Variants in ROBO2 observed in about 807,000 individuals in gnomAD.
ROBO2 encodes roundabout homolog 2.
In ROBO2, 53 loss-of-function variants were observed where a neutral mutation model predicts 160.8. The observed-to-expected ratio is 0.33, with a 90% CI of 0.26 to 0.41. ROBO2 has a LOEUF of 0.41. Ranked by LOEUF, ROBO2 falls within the 10% of genes least tolerant of loss-of-function variation. The probability of loss-of-function intolerance (pLI) is 1.00; values close to 1 mark genes in which losing one functional copy is unlikely to be tolerated. For missense variants in ROBO2, 1,577 were observed against 1,722.4 expected (o/e 0.92, Z 1.49); for synonymous variants, 664 against 611.7 (o/e 1.09, Z -1.26).
chr3:77,580,077 C>T lies in ROBO2; in HGVS notation c.2459C>T (p.Ala820Val). 6.2e-7 allele frequency: 1 copy of T among 1,613,760 alleles called. No individual in the cohort carries two copies. Among genetic ancestry groups the T allele is most frequent in the Non-Finnish European group, 8.5e-7 (1 of 1,179,790 alleles). The change falls in exon 16 of 26, where the codon GCA becomes GTA. Residue 820 changes from alanine (A) to valine (V), a missense_variant. Coordinates refer to ENST00000461745, the Ensembl canonical transcript of ROBO2. ...GTAGAGGTTGCAGCTAGTACCAGTG[C>T]AGGGGTTGGAGTAAAGAGTGAGCCA...
intron 2 of ROBO2, among the ~76,000 whole-genome samples, chr3:76,922,885 A>C (rs1397681854): frequency 6.6e-6 from 1 of 152,180 alleles, no homozygotes; most frequent in Non-Finnish European, 1.5e-5. Context: ...TTATTATTTC[A>C]TTTAGTCACT....
intron 2 of ROBO2, among the ~76,000 whole-genome samples, chr3:76,493,541 T>G (rs2107554699): frequency 6.6e-6 from 1 of 151,994 alleles, no homozygotes; most frequent in Non-Finnish European, 1.5e-5. Context: ...TCCACTAAAA[T>G]ATTAAAACAT....
chr3:76,116,873 G>GA (rs201276622), intron 2 of ROBO2, among the ~76,000 whole-genome samples: 3,019 of 152,230 alleles, frequency 0.02, 45 homozygotes, highest in Non-Finnish European at 0.026. Context: ...TTAAAAAGCA[G>GA]AAGCTTTTCT....
intron 3 of ROBO2, among the ~76,000 whole-genome samples, chr3:77,479,194 G>GAACT (rs1209032903): frequency 6.6e-6 from 1 of 152,194 alleles, no homozygotes; most frequent in East Asian, 1.9e-4. Flanking sequence ...GTGAGGGGCA[G>GAACT]AACTGCACTG....
chr3:76,939,510 G>A (rs556306953), intron 2 of ROBO2, among the ~76,000 whole-genome samples: 2 of 152,186 alleles, frequency 1.3e-5, no homozygotes, highest in African/African-American at 4.8e-5. Flanking sequence ...CCTCTTCTAA[G>A]CCAGGCGCAG....
chr3:77,357,229 T>C (rs1445845743), intron 2 of ROBO2, among the ~76,000 whole-genome samples: 1 of 152,080 alleles, frequency 6.6e-6, no homozygotes, highest in Non-Finnish European at 1.5e-5. Context: ...TGTTGAGAGG[T>C]AGGACCTTTA....
intron 2 of ROBO2, among the ~76,000 whole-genome samples, chr3:76,834,268 A>C (rs1261511301): frequency 6.7e-6 from 1 of 150,340 alleles, no homozygotes; most frequent in Admixed American, 6.7e-5. Flanking sequence ...GCAGTGGTAC[A>C]ATCATAGCTC....
At chr3:76,656,658 C>T (rs538323197) in intron 2 of ROBO2, among the ~76,000 whole-genome samples, 9 of 151,722 alleles carry the variant, frequency 5.9e-5, no homozygotes, top group South Asian at 4.2e-4. Flanking sequence ...TTTTAGAGAC[C>T]GCAAGAAACT....
chr3:76,165,771 C>G (rs1453006979), intron 2 of ROBO2, among the ~76,000 whole-genome samples: 1 of 152,006 alleles, frequency 6.6e-6, no homozygotes, highest in Non-Finnish European at 1.5e-5. Flanking sequence ...TGTTGTATCT[C>G]AGAGAATAGG....
chr3:76,001,274 A>G (rs1228507890), intron 2 of ROBO2, among the ~76,000 whole-genome samples: 2 of 152,132 alleles, frequency 1.3e-5, no homozygotes, highest in East Asian at 1.9e-4. Context: ...TTTTTATGTT[A>G]TTGCTATTTG....
chr3:75,915,612 C>G (rs982635550), intron 1 of ROBO2, among the ~76,000 whole-genome samples: 2 of 152,092 alleles, frequency 1.3e-5, no homozygotes, highest in African/African-American at 4.8e-5. Context: ...TCAGTGGTGG[C>G]TCTAGAATTA....
At chr3:77,195,944 A>G (rs1029334488) in intron 2 of ROBO2, among the ~76,000 whole-genome samples, 1 of 152,226 alleles carries the variant, frequency 6.6e-6, no homozygotes, top group Non-Finnish European at 1.5e-5. Flanking sequence ...TAAATGTCCA[A>G]GGACCTCTAG....
At chr3:77,143,459 G>T (rs908524709) in intron 2 of ROBO2, among the ~76,000 whole-genome samples, 1 of 151,962 alleles carries the variant, frequency 6.6e-6, no homozygotes, top group Non-Finnish European at 1.5e-5. Context: ...GCCTCCCAAA[G>T]TACTGGGATT....
intron 2 of ROBO2, among the ~76,000 whole-genome samples, chr3:76,798,868 G>C (rs942621607): frequency 1.1e-4 from 17 of 150,954 alleles, no homozygotes; most frequent in African/African-American, 3.2e-4. Context: ...ACTCCAACCT[G>C]GGTGACAGAG....
intron 2 of ROBO2, among the ~76,000 whole-genome samples, chr3:77,204,057 T>C (rs1367204690): frequency 6.6e-6 from 1 of 152,166 alleles, no homozygotes; most frequent in Non-Finnish European, 1.5e-5. Context: ...AGGAGATAAA[T>C]GTGCTTTATA....
intron 2 of ROBO2, among the ~76,000 whole-genome samples, chr3:76,816,338 C>T (rs188976004): frequency 3.9e-5 from 6 of 151,998 alleles, no homozygotes; most frequent in Non-Finnish European, 7.4e-5. Flanking sequence ...ATGTTCAAAG[C>T]GAATGTACAT....
At chr3:76,285,510 T>C (rs1708464709) in intron 2 of ROBO2, among the ~76,000 whole-genome samples, 1 of 152,176 alleles carries the variant, frequency 6.6e-6, no homozygotes, top group East Asian at 1.9e-4. Flanking sequence ...AATATTTTGA[T>C]GTTAAAGACC....
chr3:77,269,293 AAAG>A (rs769603342), intron 2 of ROBO2, among the ~76,000 whole-genome samples: 4 of 152,208 alleles, frequency 2.6e-5, no homozygotes, highest in Admixed American at 2.6e-4. Flanking sequence ...AATATACAGA[AAAG>A]AAGAAGTCAT....
intron 2 of ROBO2, among the ~76,000 whole-genome samples, chr3:75,959,416 T>C (rs1202478797): frequency 6.6e-6 from 1 of 151,768 alleles, no homozygotes; most frequent in Non-Finnish European, 1.5e-5. Flanking sequence ...AATTTCTGGT[T>C]AAAAAAGGGT....
Sources: gnomAD v4.1 joint callset for allele counts (sites outside exome capture counted in the v4.1 genomes callset) on GRCh38, gnomAD v4.1.1 for gene constraint, MANE v1.5 for transcripts, NCBI Gene and HGNC (gene_info 2026-07-23, HGNC 2026-07-21) for gene names.